The following PIK3C2B variants were observed in gnomAD, a reference collection of about 807,000 sequenced individuals.
PIK3C2B encodes the protein phosphatidylinositol-4-phosphate 3-kinase catalytic subunit type 2 beta.
PIK3C2B carries 83 observed loss-of-function variants against 184.3 expected under a neutral mutation model. That is an observed-to-expected ratio of 0.45 (90% CI 0.38 to 0.54). PIK3C2B has a LOEUF of 0.54. Ranked by LOEUF, PIK3C2B falls within the 20% of genes least tolerant of loss-of-function variation. PIK3C2B has a pLI of 0.00. For synonymous variants in PIK3C2B, 779 were observed against 837.6 expected (o/e 0.93, Z 1.21); for missense variants, 1,736 against 2,113.5 (o/e 0.82, Z 3.50).
intron 1 of PIK3C2B, among the ~76,000 whole-genome samples, chr1:204,492,998 G>A (rs1658108454): frequency 6.6e-6 from 1 of 152,176 alleles, no homozygotes; most frequent in South Asian, 2.1e-4. Context: ...ACAACCTCAA[G>A]ATGGGCCAGC....
chr1:204,482,109 CGGGGGGGGGGGG>C (rs55875447), intron 1 of PIK3C2B, among the ~76,000 whole-genome samples: 94,186 of 133,042 alleles, frequency 0.71, 32,687 homozygotes, highest in East Asian at 0.78. Flanking sequence ...CATGAAAAGA[CGGGGGGGGGGGG>C]GGGGGTGCTC....
chr1:204,468,855 CAAG>C lies in PIK3C2B; in HGVS notation c.933+12_933+14del. On this transcript the variant is annotated intron_variant, in intron 2 of 32. Transcript: ENST00000684373. Reference sequence around the variant, plus strand: ...TGGAGAAAGGAAGGCAGAAGAAACACAAGAAGGTCCTCACCGGGGCTGCAGAAA... The same window carrying C: ...TGGAGAAAGGAAGGCAGAAGAAACACAAGGTCCTCACCGGGGCTGCAGAAA... 2.6e-6 allele frequency: 4 copies of C among 1,555,910 alleles called. No homozygotes were observed. Among genetic ancestry groups the C allele is most frequent in the Non-Finnish European group, 3.5e-6 (4 of 1,151,264 alleles).
chr1:204,456,451 A>G (rs1049574707), intron 10 of PIK3C2B, among the ~76,000 whole-genome samples: 7 of 152,198 alleles, frequency 4.6e-5, no homozygotes, highest in African/African-American at 1.7e-4. Context: ...TTACTGGTCT[A>G]TGAAATCCAA....
chr1:204,440,688 C>G (rs1412934903), intron 21 of PIK3C2B, among the ~76,000 whole-genome samples: 1 of 150,992 alleles, frequency 6.6e-6, no homozygotes, highest in Non-Finnish European at 1.5e-5. Flanking sequence ...CCTCCGCCTC[C>G]CAGGTTCAAG....
intron 8 of PIK3C2B, among the ~76,000 whole-genome samples, chr1:204,458,520 G>C (rs1655057206): frequency 6.7e-6 from 1 of 148,784 alleles, no homozygotes; most frequent in South Asian, 2.1e-4. Flanking sequence ...TTGAGACGGA[G>C]TCTTGCTCTG....
chr1:204,444,327 C>T lies in PIK3C2B; in HGVS notation c.2772+4G>A. On this transcript the variant is annotated splice_donor_region_variant and intron_variant, in intron 17 of 32. Coordinates refer to ENST00000684373, the MANE Select transcript of PIK3C2B (RefSeq NM_001377334.1). ...AAAACTGGAGGGAGGACCAATCCAC[C>T]CACCTGTACCAGCTGGGGCAGGTAG... is the stretch of plus-strand genomic sequence containing the variant. 1.9e-6 allele frequency: 3 copies of T among 1,611,326 alleles called. No individual in the cohort carries two copies. Among genetic ancestry groups the T allele is most frequent in the African/African-American group, 1.3e-5 (1 of 74,962 alleles).
Position 204,457,824 on chromosome 1 carries a change from G to C in PIK3C2B, c.1617C>G (p.Ile539Met). The C allele has an allele frequency of 6.2e-7, 1 of 1,613,334 alleles. No homozygotes were observed. The highest frequency in any genetic ancestry group is 1.1e-5 in the South Asian group (1 of 90,888). Residue 539 changes from isoleucine to methionine, a missense_variant, in exon 9 of 33, where the codon ATC becomes ATG. This residue lies in a region of PIK3C2B where 609 missense variants were observed against 699.2 expected (regional missense o/e 0.87). Transcript: ENST00000684373. ...TTTCCACGGCGGCCAGGGCGTTGCA[G>C]ATGGCCTTGACGGACTGGACCACCC... is the stretch of plus-strand genomic sequence containing the variant. ...ADRVVQSVKAICNALAAVETP... is the reference protein window; with the variant it reads ...ADRVVQSVKAMCNALAAVETP...
At chr1:204,446,750 C>T (rs373216712) in intron 15 of PIK3C2B, among the ~76,000 whole-genome samples, 3 of 152,058 alleles carry the variant, frequency 2.0e-5, no homozygotes, top group East Asian at 1.9e-4. Context: ...GGGAGGTCTG[C>T]GGTCGCTCAG....
At position 204,427,738 on chromosome 1, in the gene PIK3C2B, C is replaced by T. The variant is rs763026069; in HGVS notation, c.4497G>A (p.Arg1499=). Residue 1499 remains arginine (R), a synonymous_variant, in exon 31 of 33, where the codon CGG becomes CGA. Coordinates refer to ENST00000684373, the MANE Select transcript of PIK3C2B (RefSeq NM_001377334.1). Reference sequence around the variant, plus strand: ...CCTCCCCTCCCACCTTTCCGACGGGCCGGGCCCATGTGCCATCTGTAGGGA... The same window carrying T: ...CCTCCCCTCCCACCTTTCCGACGGGTCGGGCCCATGTGCCATCTGTAGGGA... ...APKSSDGTWA[R]PVGKVGGEVK... is the part of the protein sequence containing the mutation. 2.5e-6 allele frequency: 4 copies of T among 1,613,668 alleles called. No individual in the cohort carries two copies. In the East Asian group the frequency reaches 6.7e-5, roughly 27 times the overall value.
chr1:204,442,892 G>T (rs1333986029), intron 19 of PIK3C2B, among the ~76,000 whole-genome samples: 1 of 152,222 alleles, frequency 6.6e-6, no homozygotes, highest in Non-Finnish European at 1.5e-5. Flanking sequence ...GCACAGAGAG[G>T]GCAGGCTGTC....
At chr1:204,459,337 A>G (rs577948668) in intron 8 of PIK3C2B, among the ~76,000 whole-genome samples, 1 of 152,338 alleles carries the variant, frequency 6.6e-6, no homozygotes, top group Non-Finnish European at 1.5e-5. Context: ...TTTGAAGATC[A>G]CTGTCAGATT....
In PIK3C2B at chr1:204,459,939, T is replaced by A; in HGVS notation, c.1505A>T (p.Gln502Leu). 1 of 1,613,794 alleles carries A rather than the reference T, an allele frequency of 6.2e-7. No individual in the cohort carries two copies. Among genetic ancestry groups the A allele is most frequent in the Non-Finnish European group, 8.5e-7 (1 of 1,179,900 alleles). ...AGTGTCGAACAGAAGACTCAGGGCCTGCCTGGGAGTTGGGGGCAGGGAAAA... is the reference window on the plus strand; with the variant it reads ...AGTGTCGAACAGAAGACTCAGGGCCAGCCTGGGAGTTGGGGGCAGGGAAAA... ...ERPVKQTISR[Q>L]ALSLLFDTYH... Residue 502 changes from glutamine (Q) to leucine (L), a missense_variant and splice_region_variant, in exon 8 of 33, where the codon CAG (glutamine) becomes CTG (leucine). Gln to Leu is a moderately radical substitution (Grantham distance 113). Coordinates refer to ENST00000684373, the MANE Select transcript of PIK3C2B (RefSeq NM_001377334.1).
At chr1:204,482,076 T>A (rs541991855) in intron 1 of PIK3C2B, among the ~76,000 whole-genome samples, 1 of 149,084 alleles carries the variant, frequency 6.7e-6, no homozygotes, top group East Asian at 2.0e-4. Flanking sequence ...GTAAGACTTC[T>A]ATTTTCCCAG....
chr1:204,430,165 C>G (rs1237409434), intron 28 of PIK3C2B, 127 bp from the exon 29 acceptor site: 2 of 648,694 alleles, frequency 3.1e-6, no homozygotes, highest in Admixed American at 4.7e-5. Flanking sequence ...CAGCAGCCTC[C>G]ATTTCTAGGG....
intron 27 of PIK3C2B, 144 bp from the exon 28 acceptor site, chr1:204,431,937 G>T: frequency 3.3e-6 from 3 of 920,950 alleles, no homozygotes; most frequent in Non-Finnish European, 5.2e-6. Flanking sequence ...ACAGATGATA[G>T]CACATACACA....
chr1:204,430,531 AG>A (rs1473970119), intron 28 of PIK3C2B, among the ~76,000 whole-genome samples: 1 of 151,012 alleles, frequency 6.6e-6, no homozygotes, highest in Admixed American at 6.6e-5. Context: ...TTTTTAGTAG[AG>A]GGGGGTTTCA....
In PIK3C2B at chr1:204,433,146, G is replaced by T. The variant is rs1461247901; in HGVS notation, c.3953+170C>A. On this transcript the variant is annotated intron_variant, in intron 26 of 32. Transcript: ENST00000684373. This position sits in a 1 kb window ranked among gnomAD's most constrained non-coding sequence, Gnocchi z 5.0. Reference sequence around the variant, plus strand: ...AAACCAAGGCTGAGAGAAGCAAAATGATTTACCTAAATCACGGGCAAAGTT... The same window carrying T: ...AAACCAAGGCTGAGAGAAGCAAAATTATTTACCTAAATCACGGGCAAAGTT... 1.3e-5 allele frequency among the ~76,000 whole-genome samples: 2 copies of T among 152,226 alleles called. No homozygotes were observed. The highest frequency in any genetic ancestry group is 2.9e-5 in the Non-Finnish European group (2 of 68,038).
chr1:204,458,816 T>C (rs2103501803), intron 8 of PIK3C2B, among the ~76,000 whole-genome samples: 1 of 152,054 alleles, frequency 6.6e-6, no homozygotes. Flanking sequence ...ATTCTTACAC[T>C]TCTCTACCCA....
At chr1:204,456,942 C>T in intron 10 of PIK3C2B, 95 bp downstream of exon 10, 2 of 1,015,208 alleles carry the variant, frequency 2.0e-6, no homozygotes, top group East Asian at 2.6e-5. Context: ...AACTCCGACA[C>T]ATAAATCAAG....
Sources: gnomAD v4.1 joint callset for allele counts (sites outside exome capture counted in the v4.1 genomes callset) on GRCh38, gnomAD v4.1.1 for gene constraint, gnomAD v4.1.1 regional missense constraint, Gnocchi (gnomAD v3.1) non-coding constraint, MANE v1.5 for transcripts, NCBI Gene and HGNC (gene_info 2026-07-23, HGNC 2026-07-21) for gene names.